EPGN: variants seen among roughly 807,000 people sequenced by gnomAD.
EPGN encodes the protein epigen.
Under a neutral mutation model 20.7 loss-of-function variants are expected in EPGN, and 21 were observed. That is an observed-to-expected ratio of 1.01 (90% CI 0.72 to 1.46). The LOEUF (loss-of-function observed/expected upper bound fraction) is 1.46, where lower values mean the gene tolerates loss of function less well. Ranked by LOEUF, EPGN falls within the 40% of genes most tolerant of loss-of-function variation. The probability of loss-of-function intolerance (pLI) is 0.00; values close to 1 mark genes in which losing one functional copy is unlikely to be tolerated. For missense variants in EPGN, 199 were observed against 180.7 expected (o/e 1.10, Z -0.58); for synonymous variants, 69 against 63.8 (o/e 1.08, Z -0.39).
intron 1 of EPGN, 79 bp from the exon 2 acceptor site, chr4:74,309,014 G>C: frequency 9.4e-7 from 1 of 1,063,610 alleles, no homozygotes; most frequent in Non-Finnish European, 1.4e-6. Flanking sequence ...GGAATAAACA[G>C]AATAAGAATA....
chr4:74,313,279 A>G (rs1489120403), intron 4 of EPGN, 109 bp downstream of exon 4: 2 of 1,427,842 alleles, frequency 1.4e-6, no homozygotes, highest in African/African-American at 2.9e-5. Flanking sequence ...TTTTAATTAA[A>G]AAAGAGCTGT....
intron 1 of EPGN, 31 bp downstream of exon 1, chr4:74,308,607 T>C: frequency 6.4e-7 from 1 of 1,573,852 alleles, no homozygotes; most frequent in Non-Finnish European, 8.7e-7. Flanking sequence ...TTGTTAACTT[T>C]ATATCAGTGT....
intron 2 of EPGN, among the ~76,000 whole-genome samples, chr4:74,310,480 A>C (rs966277204): frequency 6.6e-6 from 1 of 151,402 alleles, no homozygotes; most frequent in African/African-American, 2.4e-5. Flanking sequence ...AAAAAAAAAA[A>C]AAAAAGAAGA....
At chr4:74,312,971 T>A (rs780645867) in intron 3 of EPGN, 47 bp from the exon 4 acceptor site, 7 of 1,409,734 alleles carry the variant, frequency 5.0e-6, no homozygotes, top group Non-Finnish European at 6.8e-6. Context: ...TATTTGTATT[T>A]CTACCACCGT....
rs200884976 is a variant in EPGN at position 74,308,583 on chromosome 4, A to G, written c.43+7A>G. On this transcript the variant is annotated splice_region_variant and intron_variant, in intron 1 of 4. Transcript: ENST00000413830. The stretch of plus-strand genomic sequence containing the variant: ...GTCTATCTTTTATTCAACGGTAGGT[A>G]ATTTCCTTTTGTTTTGTTAACTTTA... 1.6e-5 allele frequency: 26 copies of G among 1,608,552 alleles called. No homozygotes were observed. The East Asian group carries it at 5.8e-4, about 36-fold the overall frequency.
intron 4 of EPGN, chr4:74,313,442 G>A (rs955694305): frequency 7.7e-7 from 1 of 1,291,504 alleles, no homozygotes; most frequent in African/African-American, 1.5e-5. Context: ...AATTATAAAT[G>A]AGGAGGACAG....
In EPGN at chr4:74,316,388, G is replaced by A. The variant is rs1389476135; in HGVS notation, c.*1751G>A. On this transcript the variant is annotated 3_prime_UTR_variant, in exon 5 of 5. Transcript: ENST00000413830. ...ATTTTGATCATGAGTGGTGAAAAGAGGATCAAACTTGACTATTCTTGCAAT... is the reference window on the plus strand; with the variant it reads ...ATTTTGATCATGAGTGGTGAAAAGAAGATCAAACTTGACTATTCTTGCAAT... Among the ~76,000 whole-genome samples the A allele has an allele frequency of 6.6e-6, 1 of 152,088 alleles. No homozygotes were observed. Among genetic ancestry groups the A allele is most frequent in the Non-Finnish European group, 1.5e-5 (1 of 68,014 alleles).
chr4:74,312,188 A>T lies in EPGN; in HGVS notation c.137A>T (p.Asp46Val). ...ACATTGTATCTCCTTTTCCTAGCTG[A>T]CAACATAGAAGGACCCATAGCCTTG... is the stretch of plus-strand genomic sequence containing the variant. Reference protein sequence around the residue: ...GNWTVNKTEADNIEGPIALKF... With the variant: ...GNWTVNKTEAVNIEGPIALKF... The change falls in exon 3 of 5, where the codon GAC (aspartate) becomes GTC (valine). Residue 46 changes from aspartate to valine, a missense_variant. Transcript: ENST00000413830. The T allele has an allele frequency of 6.3e-7, 1 of 1,598,460 alleles. No homozygotes were observed. The highest frequency in any genetic ancestry group is 8.5e-7 in the Non-Finnish European group (1 of 1,174,828).
chr4:74,314,030 A>G (rs1751139518), intron 4 of EPGN: 1 of 449,718 alleles, frequency 2.2e-6, no homozygotes, highest in African/African-American at 2.0e-5. Flanking sequence ...CCACATTACT[A>G]AGGTGGCTCT....
Position 74,315,721 on chromosome 4 carries a change from G to A in EPGN, c.*1084G>A, listed in dbSNP as rs1353160471. On this transcript the variant is annotated 3_prime_UTR_variant, in exon 5 of 5. Transcript: ENST00000413830. ...AATCCTAGCACTTTGGGAGGCCGAG[G>A]CGGATGGAGCACCTGAGGTCAGGAG... Among the ~76,000 whole-genome samples the A allele has an allele frequency of 6.6e-6, 1 of 152,056 alleles. No homozygotes were observed. The highest frequency in any genetic ancestry group is 2.4e-5 in the African/African-American group (1 of 41,418).
In EPGN at chr4:74,309,101, G is replaced by A. The variant is rs755165968; in HGVS notation, c.52G>A (p.Ala18Thr). Residue 18 changes from alanine (A) to threonine (T), a missense_variant, in exon 2 of 5, where the codon GCA becomes ACA. Coordinates refer to ENST00000413830, the MANE Select transcript of EPGN (RefSeq NM_001270989.2). ...TTGCCCCCTTAATACAGCAATGACA[G>A]CACTGACCGAAGAGGCAGCCGTGAC... ...SVYLLFNAMT[A>T]LTEEAAVTVT... 4 of 1,612,932 alleles carry A rather than the reference G, an allele frequency of 2.5e-6. No individual in the cohort carries two copies. The highest frequency in any genetic ancestry group is 2.5e-6 in the Non-Finnish European group (3 of 1,179,224).
intron 3 of EPGN, 95 bp downstream of exon 3, chr4:74,312,400 G>T: frequency 7.2e-7 from 1 of 1,386,326 alleles, no homozygotes; most frequent in Non-Finnish European, 9.6e-7. Context: ...TCTCTCTTTA[G>T]TTTAAAAGGG....
In EPGN at chr4:74,312,998, C is replaced by G. The variant is rs770723786; in HGVS notation, c.255-20C>G. ...TACCACCGTAGGTTTTAAAATTAAA[C>G]TTTTTTTCTTTTTTTAAAGGTGTTT... On this transcript the variant is annotated intron_variant, in intron 3 of 4. Coordinates refer to ENST00000413830, the MANE Select transcript of EPGN (RefSeq NM_001270989.2). The G allele has an allele frequency of 6.4e-7, 1 of 1,565,370 alleles. No individual in the cohort carries two copies. Among genetic ancestry groups the G allele is most frequent in the South Asian group, 1.2e-5 (1 of 82,016 alleles).
At position 74,308,514 on chromosome 4, in the gene EPGN, AAGTT is replaced by A; in HGVS notation, c.-18_-15del. The stretch of plus-strand genomic sequence containing the variant: ...TCAGTCTAGAAGGATAAGAGAAAGA[AAGTT>A]AAGCAACTACAGGAAATGGCTTTGG... On this transcript the variant is annotated 5_prime_UTR_variant, in exon 1 of 5. Transcript: ENST00000413830. 1 of 1,605,634 alleles carries A rather than the reference AAGTT, an allele frequency of 6.2e-7. No individual in the cohort carries two copies. The highest frequency in any genetic ancestry group is 8.5e-7 in the Non-Finnish European group (1 of 1,174,974).
Position 74,315,183 on chromosome 4 carries a change from A to G in EPGN, c.*546A>G, listed in dbSNP as rs556540239. 2.0e-5 allele frequency: 3 copies of G among 153,384 alleles called. No homozygotes were observed. Among genetic ancestry groups the G allele is most frequent in the South Asian group, 2.1e-4 (1 of 4,864 alleles). The allele number at this position is 153,384 out of a possible 1,614,324, so 9.5% of individuals were successfully genotyped here. A position where few individuals can be genotyped will look rare whatever the true frequency, so the allele number is the denominator to read the frequency against. ...TTAAGGTACCTCCAGTGAACCAAAC[A>G]TGTGTCTTAAATCTAAGCCACTGAA... On this transcript the variant is annotated 3_prime_UTR_variant, in exon 5 of 5. Transcript: ENST00000413830.
At position 74,313,232 on chromosome 4, in the gene EPGN, G is replaced by A. The variant is rs543681993; in HGVS notation, c.407+62G>A. ...CAATCGTTTGACAAATAGTTATTCA[G>A]GCCCTATAATGTGTCAGGCACTGAC... On this transcript the variant is annotated intron_variant, in intron 4 of 4. Transcript: ENST00000413830. 7.1e-6 allele frequency: 11 copies of A among 1,550,658 alleles called. No individual in the cohort carries two copies. In the African/African-American group the frequency reaches 1.5e-4, roughly 22 times the overall value.
At position 74,315,940 on chromosome 4, in the gene EPGN, G is replaced by A. The variant is rs1219231017; in HGVS notation, c.*1303G>A. ...GCACTCCAACCTGGGTGACAAGAGC[G>A]AAACTCCATCTCAAAAAAAAAAAAA... On this transcript the variant is annotated 3_prime_UTR_variant, in exon 5 of 5. Transcript: ENST00000413830. Among the ~76,000 whole-genome samples, 141 of 140,864 alleles carry A rather than the reference G, an allele frequency of 1.0e-3. No individual in the cohort carries two copies. The highest frequency in any genetic ancestry group is 3.6e-3 in the African/African-American group (131 of 35,964). The allele number at this position is 140,864 out of a possible 152,430, so 92.4% of individuals were successfully genotyped here.
At chr4:74,309,806 T>G (rs999654003) in intron 2 of EPGN, among the ~76,000 whole-genome samples, 1 of 152,138 alleles carries the variant, frequency 6.6e-6, no homozygotes, top group Admixed American at 6.5e-5. Context: ...CTCTTAGAGG[T>G]GAAACTTGGA....
chr4:74,311,010 T>A (rs1750906966), intron 2 of EPGN, among the ~76,000 whole-genome samples: 1 of 152,224 alleles, frequency 6.6e-6, no homozygotes, highest in Admixed American at 6.5e-5. Context: ...GTATTTTTCC[T>A]TTGCTTTCTT....
Sources: gnomAD v4.1 joint callset for allele counts (sites outside exome capture counted in the v4.1 genomes callset) on GRCh38, gnomAD v4.1.1 for gene constraint, MANE v1.5 for transcripts, NCBI Gene and HGNC (gene_info 2026-07-23, HGNC 2026-07-21) for gene names.